Variants in ANKS6 observed in about 807,000 individuals in gnomAD.
The protein encoded by ANKS6 is ankyrin repeat and SAM domain-containing protein 6.
A neutral mutation model predicts 77.9 loss-of-function variants in ANKS6; 47 were observed. That is an observed-to-expected ratio of 0.60 (90% CI 0.48 to 0.77). ANKS6 has a LOEUF of 0.77. ANKS6 is among the 30% of genes least tolerant of loss of function. ANKS6 has a pLI of 0.00. For synonymous variants in ANKS6, 488 were observed against 501.7 expected (o/e 0.97, Z 0.37); for missense variants, 1,150 against 1,159.1 (o/e 0.99, Z 0.11).
At chr9:98,761,736 T>A (rs1468224498) in intron 11 of ANKS6, among the ~76,000 whole-genome samples, 1 of 152,228 alleles carries the variant, frequency 6.6e-6, no homozygotes, top group Non-Finnish European at 1.5e-5. Context: ...TGGCTTTTCT[T>A]GTGCGGGTCT....
chr9:98,752,005 G>A (rs1248099937), intron 12 of ANKS6, among the ~76,000 whole-genome samples: 1 of 152,190 alleles, frequency 6.6e-6, no homozygotes, highest in Non-Finnish European at 1.5e-5. Flanking sequence ...AGGATCACTT[G>A]TGCCCAGGAG....
intron 8 of ANKS6, 114 bp from the exon 9 acceptor site, chr9:98,774,194 A>C (rs1588387879): frequency 1.0e-6 from 1 of 966,840 alleles, no homozygotes; most frequent in Non-Finnish European, 1.4e-6. Flanking sequence ...CCACCCCTCC[A>C]CCCAAGCCGG....
Position 98,796,518 on chromosome 9 carries a change from C to A in ANKS6, c.-27G>T, listed in dbSNP as rs1835188266. 3 of 983,716 alleles carry A rather than the reference C, an allele frequency of 3.0e-6. No homozygotes were observed. Among genetic ancestry groups the A allele is most frequent in the African/African-American group, 1.8e-5 (1 of 56,858 alleles). The allele number at this position is 983,716 out of a possible 1,614,324, so 60.9% of individuals were successfully genotyped here. A position where few individuals can be genotyped will look rare whatever the true frequency, so the allele number is the denominator to read the frequency against. On this transcript the variant is annotated 5_prime_UTR_variant, in exon 1 of 15. Transcript: ENST00000353234. ...GCCGCCGCCACGCGCGGCCCGCTCC[C>A]GTCCGCCCCGCCGGCCGCGTCGGCT...
intron 1 of ANKS6, among the ~76,000 whole-genome samples, chr9:98,793,677 TGCCCGTGCCACCAC>T (rs1442445358): frequency 8.6e-5 from 13 of 151,622 alleles, no homozygotes; most frequent in Non-Finnish European, 1.8e-4. Context: ...CGTGCCACCA[TGCCCGTGCCACCAC>T]GCCCAGCTAA....
chr9:98,740,038 A>T (rs1369857258), intron 14 of ANKS6, among the ~76,000 whole-genome samples: 2 of 152,148 alleles, frequency 1.3e-5, no homozygotes, highest in African/African-American at 4.8e-5. Context: ...ACATATTTTT[A>T]AAAATTAATA....
In ANKS6 at chr9:98,733,696, G is replaced by T; in HGVS notation, c.*2823C>A. ...GAGATGCTATGAGTTTCTTGGCCCT[G>T]TGAAGAGGCCTGACCCATGCTGGCA... On this transcript the variant is annotated 3_prime_UTR_variant, in exon 15 of 15. Coordinates refer to ENST00000353234, the MANE Select transcript of ANKS6 (RefSeq NM_173551.5). 1 of 985,466 alleles carries T rather than the reference G, an allele frequency of 1.0e-6. No homozygotes were observed. Among genetic ancestry groups the T allele is most frequent in the Middle Eastern group, 5.2e-4 (1 of 1,914 alleles). The allele number at this position is 985,466 out of a possible 1,614,324, so 61.0% of individuals were successfully genotyped here.
At chr9:98,737,492 A>T (rs1292268132) in intron 14 of ANKS6, among the ~76,000 whole-genome samples, 2 of 130,346 alleles carry the variant, frequency 1.5e-5, no homozygotes, top group African/African-American at 4.3e-5. Flanking sequence ...GCAAAAAAAT[A>T]AAAAAAAAAA....
At chr9:98,783,043 G>A (rs890281279) in intron 4 of ANKS6, among the ~76,000 whole-genome samples, 1 of 150,230 alleles carries the variant, frequency 6.7e-6, no homozygotes, top group Non-Finnish European at 1.5e-5. Context: ...CCATGATCAC[G>A]CTACTGCACT....
intron 11 of ANKS6, among the ~76,000 whole-genome samples, chr9:98,765,696 T>A (rs1288100215): frequency 4.6e-5 from 7 of 152,168 alleles, no homozygotes; most frequent in Non-Finnish European, 8.8e-5. Flanking sequence ...CCTTTAGGCC[T>A]CCAGAGATCT....
rs746500439 is a variant in ANKS6 at position 98,768,173 on chromosome 9, T to G, written c.2050A>C (p.Ser684Arg). Residue 684 changes from serine to arginine, a missense_variant, in exon 11 of 15, where the codon AGC becomes CGC. Physicochemically the swap from Ser to Arg is moderately radical, Grantham distance 110. Transcript: ENST00000353234. ...GGCCCCACAGGGCTTGACCGATGGC[T>G]GGGTTTCTGCTCCAATAATCCGGCT... is the stretch of plus-strand genomic sequence containing the variant. ...KAAGLLEQKP[S>R]HRSSPVGPAP... 3 of 1,614,094 alleles carry G rather than the reference T, an allele frequency of 1.9e-6. No individual in the cohort carries two copies. Among genetic ancestry groups the G allele is most frequent in the Non-Finnish European group, 2.5e-6 (3 of 1,180,026 alleles).
At chr9:98,762,470 G>A (rs892154176) in intron 11 of ANKS6, among the ~76,000 whole-genome samples, 4 of 152,174 alleles carry the variant, frequency 2.6e-5, no homozygotes, top group Non-Finnish European at 5.9e-5. Context: ...TTGACAGTTG[G>A]AGGTAAGAGA....
chr9:98,782,670 A>G, intron 4 of ANKS6, 97 bp from the exon 5 acceptor site: 8 of 963,720 alleles, frequency 8.3e-6, no homozygotes, highest in Non-Finnish European at 1.3e-5. Context: ...TCAGTCTCTG[A>G]GCATTTAAGA....
chr9:98,776,471 GT>G (rs1457189573), intron 8 of ANKS6, among the ~76,000 whole-genome samples: 16 of 150,074 alleles, frequency 1.1e-4, no homozygotes, highest in Non-Finnish European at 2.2e-4. Context: ...CACGAGCTTG[GT>G]TCACTGCAAC....
At position 98,734,660 on chromosome 9, in the gene ANKS6, A is replaced by C; in HGVS notation, c.*1859T>G. The C allele has an allele frequency of 1.1e-6, 1 of 941,296 alleles. No individual in the cohort carries two copies. The highest frequency in any genetic ancestry group is 1.8e-5 in the African/African-American group (1 of 56,286). 58.3% of individuals were successfully genotyped at this position (941,296 alleles called of 1,614,324 possible). Reference sequence around the variant, plus strand: ...GCTCCTTCTGGGCTGTTTAACTGGCAAGCTGCTTCCCTCTCCTAAGCATCC... The same window carrying C: ...GCTCCTTCTGGGCTGTTTAACTGGCCAGCTGCTTCCCTCTCCTAAGCATCC... On this transcript the variant is annotated 3_prime_UTR_variant, in exon 15 of 15. Coordinates refer to ENST00000353234, the MANE Select transcript of ANKS6 (RefSeq NM_173551.5).
At chr9:98,747,882 G>C (rs1422126801) in intron 13 of ANKS6, among the ~76,000 whole-genome samples, 4 of 152,188 alleles carry the variant, frequency 2.6e-5, no homozygotes, top group African/African-American at 9.6e-5. Context: ...GCCCTGACTG[G>C]TCAAGCTCCA....
Position 98,778,277 on chromosome 9 carries a change from T to G in ANKS6, c.1516A>C (p.Lys506Gln). 6.2e-7 allele frequency: 1 copy of G among 1,614,134 alleles called. No homozygotes were observed. Among genetic ancestry groups the G allele is most frequent in the Non-Finnish European group, 8.5e-7 (1 of 1,180,002 alleles). The change falls in exon 7 of 15, where the codon AAG becomes CAG. Residue 506 changes from lysine to glutamine, a missense_variant. By Grantham distance (53) the Lys-to-Gln change is moderately conservative. Coordinates refer to ENST00000353234, the MANE Select transcript of ANKS6 (RefSeq NM_173551.5). ...DSTMRAAPQDKTSRSALPDAA... is the reference protein window; with the variant it reads ...DSTMRAAPQDQTSRSALPDAA... ...TCAGGGAGTGCAGAGCGGCTTGTCTTGTCCTGGGGGGCAGCCCTCATTGTG... is the reference window on the plus strand; with the variant it reads ...TCAGGGAGTGCAGAGCGGCTTGTCTGGTCCTGGGGGGCAGCCCTCATTGTG...
Position 98,732,742 on chromosome 9 carries a change from GA to G in ANKS6, c.*3776del. ...AAGGGAAACTGGGACTCAAAGGGAAGAAGAAACGTGCTCAACATCACGCAGC... is the reference window on the plus strand; with the variant it reads ...AAGGGAAACTGGGACTCAAAGGGAAGAGAAACGTGCTCAACATCACGCAGC... On this transcript the variant is annotated 3_prime_UTR_variant, in exon 15 of 15. Transcript: ENST00000353234. 2 of 1,431,206 alleles carry G rather than the reference GA, an allele frequency of 1.4e-6. No individual in the cohort carries two copies. Among genetic ancestry groups the G allele is most frequent in the East Asian group, 5.1e-5 (2 of 39,312 alleles). 88.7% of individuals were successfully genotyped at this position (1,431,206 alleles called of 1,614,324 possible).
chr9:98,790,755 G>A lies in ANKS6; in HGVS notation c.360-149C>T, dbSNP rs528769272. 56 of 1,108,992 alleles carry A rather than the reference G, an allele frequency of 5.0e-5. No homozygotes were observed. In the Middle Eastern group the frequency reaches 9.5e-4, roughly 19 times the overall value. 68.7% of individuals were successfully genotyped at this position (1,108,992 alleles called of 1,614,324 possible). On this transcript the variant is annotated intron_variant, in intron 1 of 14. Coordinates refer to ENST00000353234, the MANE Select transcript of ANKS6 (RefSeq NM_173551.5). ...GCGCCAGGCACTGTGCCAGCCACAT[G>A]GATGCAGATGCATCATCATGAAGGT...
intron 13 of ANKS6, among the ~76,000 whole-genome samples, chr9:98,747,303 G>T (rs981079299): frequency 4.6e-5 from 7 of 151,984 alleles, no homozygotes; most frequent in Admixed American, 2.6e-4. Flanking sequence ...ATTTATGTAG[G>T]GATAGAGATT....
Sources: gnomAD v4.1 joint callset for allele counts (sites outside exome capture counted in the v4.1 genomes callset) on GRCh38, gnomAD v4.1.1 for gene constraint, MANE v1.5 for transcripts, NCBI Gene and HGNC (gene_info 2026-07-23, HGNC 2026-07-21) for gene names.